EIF3B: variants seen among roughly 807,000 people sequenced by gnomAD.
The protein encoded by EIF3B is eukaryotic translation initiation factor 3 subunit 9.
Under a neutral mutation model 104.6 loss-of-function variants are expected in EIF3B, and 10 were observed. That is an observed-to-expected ratio of 0.10 (90% CI 0.06 to 0.16). EIF3B has a LOEUF of 0.16. Among genes scored for constraint, EIF3B ranks in the 10% least tolerant of loss-of-function variants. The pLI is 1.00. For missense variants in EIF3B, 1,014 were observed against 1,087.9 expected (o/e 0.93, Z 0.96); for synonymous variants, 542 against 417.2 (o/e 1.30, Z -3.65).
intron 8 of EIF3B, 129 bp downstream of exon 8, chr7:2,366,720 T>C (rs1780047162): frequency 6.3e-6 from 7 of 1,102,906 alleles, no homozygotes; most frequent in Non-Finnish European, 5.3e-6. Flanking sequence ...GCCTGTCTCC[T>C]GTGCCTTTTT....
chr7:2,372,191 G>A (rs1008931502), intron 11 of EIF3B: 2 of 282,244 alleles, frequency 7.1e-6, no homozygotes, highest in Non-Finnish European at 6.7e-6. Context: ...GGGTGACGGA[G>A]CAAGACCCTG....
chr7:2,365,667 GTTTGTTTGTTT>G (rs1562481817), intron 6 of EIF3B, among the ~76,000 whole-genome samples: 1 of 107,840 alleles, frequency 9.3e-6, no homozygotes, highest in East Asian at 4.2e-4. Flanking sequence ...TTGTTTGTTT[GTTTGTTTGTTT>G]TGTTTTTTTT....
chr7:2,377,966 CTGGGTG>C (rs1780750512), intron 15 of EIF3B: 1 of 42,132 alleles, frequency 2.4e-5, no homozygotes, highest in Non-Finnish European at 3.7e-5. Context: ...GTGAATGACC[CTGGGTG>C]TCATGGAGGA....
intron 9 of EIF3B, chr7:2,367,251 C>G (rs1780073577): frequency 1.7e-5 from 9 of 530,610 alleles, no homozygotes; most frequent in Middle Eastern, 5.0e-4. Context: ...TGGACAGCCC[C>G]TCGGTCCAGC....
In EIF3B at chr7:2,355,338, A is replaced by T. The variant is rs749876972; in HGVS notation, c.417A>T (p.Glu139Asp). 1.3e-6 allele frequency: 2 copies of T among 1,540,982 alleles called. No homozygotes were observed. Among genetic ancestry groups the T allele is most frequent in the East Asian group, 2.4e-5 (1 of 41,350 alleles). ...ACGAGGGCAGAGCGGCCGAGGCCGA[A>T]CCCCGGGCGCTGGAGAACGGCGACG... ...GGNEGRAAEA[E>D]PRALENGDAD... The change falls in exon 1 of 19, where the codon GAA becomes GAT. Residue 139 changes from glutamate (E) to aspartate (D), a missense_variant. Transcript: ENST00000360876.
rs567816245 is a variant in EIF3B at position 2,356,615 on chromosome 7, A to G, written c.499+1195A>G. On this transcript the variant is annotated intron_variant, in intron 1 of 18. Coordinates refer to ENST00000360876, the MANE Select transcript of EIF3B (RefSeq NM_001037283.2). ...AAGACTCCGTCTCAAAAAAAAAAAAAAAAGAAAAAGAAAAAAAGGTTATCA... is the reference window on the plus strand; with the variant it reads ...AAGACTCCGTCTCAAAAAAAAAAAAGAAAGAAAAAGAAAAAAAGGTTATCA... 3.6e-3 allele frequency among the ~76,000 whole-genome samples: 530 copies of G among 146,876 alleles called. 3 individuals are homozygous for G. Among genetic ancestry groups the G allele is most frequent in the African/African-American group, 0.013 (497 of 37,378 alleles).
At chr7:2,378,378 T>C in intron 15 of EIF3B, 1 of 309,078 alleles carries the variant, frequency 3.2e-6, no homozygotes, top group Non-Finnish European at 5.7e-6. Context: ...AGGCGAGCGC[T>C]CCTGGGATGC....
At chr7:2,367,208 A>T in intron 9 of EIF3B, 163 bp downstream of exon 9, 1 of 647,448 alleles carries the variant, frequency 1.5e-6, no homozygotes, top group Non-Finnish European at 2.6e-6. Flanking sequence ...GGGTGCCTGC[A>T]GACTGTCTGG....
Position 2,354,831 on chromosome 7 carries a change from C to T in EIF3B, c.-91C>T, listed in dbSNP as rs1287194982. ...CGGCCTCCCCGTCGCACGCACATGG[C>T]TGGGCTGTAGCCGTCGCGGCGCGCG... is the stretch of plus-strand genomic sequence containing the variant. On this transcript the variant is annotated 5_prime_UTR_variant, in exon 1 of 19. Coordinates refer to ENST00000360876, the MANE Select transcript of EIF3B (RefSeq NM_001037283.2). 2 of 1,032,894 alleles carry T rather than the reference C, an allele frequency of 1.9e-6. No homozygotes were observed. The highest frequency in any genetic ancestry group is 5.7e-5 in the Admixed American group (1 of 17,622). The allele number at this position is 1,032,894 out of a possible 1,614,324, so 64.0% of individuals were successfully genotyped here. A position where few individuals can be genotyped will look rare whatever the true frequency, so the allele number is the denominator to read the frequency against.
chr7:2,369,375 GCTT>G (rs772377420), intron 9 of EIF3B, 94 bp from the exon 10 acceptor site: 228 of 1,298,280 alleles, frequency 1.8e-4, no homozygotes, highest in Non-Finnish European at 2.3e-4. Context: ...ACAGCATTGA[GCTT>G]CTATATAGCA....
rs566810822 is a variant in EIF3B at position 2,364,754 on chromosome 7, A to T, written c.1157+225A>T. On this transcript the variant is annotated intron_variant, in intron 6 of 18. Coordinates refer to ENST00000360876, the MANE Select transcript of EIF3B (RefSeq NM_001037283.2). ...AGCCATTTGGGAGTGAGTTGAAATA[A>T]CATGTCCCTTTAGCCCTGAATGTGT... Among the ~76,000 whole-genome samples the T allele has an allele frequency of 2.0e-5, 3 of 152,250 alleles. No homozygotes were observed. The South Asian group carries it at 6.2e-4, about 31-fold the overall frequency.
rs1372615513 is a variant in EIF3B at position 2,355,237 on chromosome 7, G to A, written c.316G>A (p.Glu106Lys). The change falls in exon 1 of 19, where the codon GAG (glutamate) becomes AAG (lysine). Residue 106 changes from glutamate (E) to lysine (K), a missense_variant. By Grantham distance (56) the Glu-to-Lys change is moderately conservative. This residue lies in a region of EIF3B where 488 missense variants were observed against 404.3 expected (regional missense o/e 1.21). Transcript: ENST00000360876. Reference sequence around the variant, plus strand: ...TGAGCCCCCTGTCCCGGCACAGGGCGAGGCCCCAGGAGAGCAGGCTCGGGA... The same window carrying A: ...TGAGCCCCCTGTCCCGGCACAGGGCAAGGCCCCAGGAGAGCAGGCTCGGGA... ...HAEPPVPAQG[E>K]APGEQARDER... 6 of 1,512,044 alleles carry A rather than the reference G, an allele frequency of 4.0e-6. No homozygotes were observed. The highest frequency in any genetic ancestry group is 5.3e-6 in the Non-Finnish European group (6 of 1,137,770). The allele number at this position is 1,512,044 out of a possible 1,614,324, so 93.7% of individuals were successfully genotyped here.
rs1301525223 is a variant in EIF3B, at chr7:2,354,853, C to A, written c.-69C>A. On this transcript the variant is annotated 5_prime_UTR_variant, in exon 1 of 19. Coordinates refer to ENST00000360876, the MANE Select transcript of EIF3B (RefSeq NM_001037283.2). ...TGGCTGGGCTGTAGCCGTCGCGGCG[C>A]GCGGTGCGGCCTGGGAGAGTCGGAA... The A allele has an allele frequency of 2.8e-6, 3 of 1,069,436 alleles. No individual in the cohort carries two copies. Among genetic ancestry groups the A allele is most frequent in the Non-Finnish European group, 3.4e-6 (3 of 883,880 alleles). 66.2% of individuals were successfully genotyped at this position (1,069,436 alleles called of 1,614,324 possible).
At chr7:2,364,318 G>T in intron 5 of EIF3B, 54 bp from the exon 6 acceptor site, 1 of 1,471,404 alleles carries the variant, frequency 6.8e-7, no homozygotes, top group Non-Finnish European at 9.2e-7. Context: ...TGTAGGAGGG[G>T]TCTTTGTGTT....
chr7:2,359,220 C>T (rs890289580), intron 1 of EIF3B, among the ~76,000 whole-genome samples: 2 of 152,160 alleles, frequency 1.3e-5, no homozygotes, highest in Non-Finnish European at 2.9e-5. Flanking sequence ...CGTCTAAACC[C>T]TTGTAATTTC....
intron 6 of EIF3B, among the ~76,000 whole-genome samples, chr7:2,365,601 G>A (rs1487088412): frequency 6.6e-6 from 1 of 151,968 alleles, no homozygotes; most frequent in Non-Finnish European, 1.5e-5. Flanking sequence ...CCCAGGCTCT[G>A]AAGTTTCTAT....
chr7:2,373,662 CAT>C (rs1029610580), intron 12 of EIF3B: 15 of 152,342 alleles, frequency 9.8e-5, no homozygotes, highest in African/African-American at 2.9e-4. Flanking sequence ...TTGATAGAAA[CAT>C]ATGGGCAATT....
intron 5 of EIF3B, 116 bp from the exon 6 acceptor site, chr7:2,364,250 ACTCCGT>A: frequency 2.2e-6 from 2 of 896,532 alleles, no homozygotes; most frequent in Non-Finnish European, 3.4e-6. Flanking sequence ...AGACAGCGAG[ACTCCGT>A]CTCAAAAAAA....
chr7:2,367,258 C>T, intron 9 of EIF3B: 3 of 521,302 alleles, frequency 5.8e-6, no homozygotes, highest in South Asian at 5.7e-5. Context: ...CCCCTCGGTC[C>T]AGCCTTCCCT....
Sources: gnomAD v4.1 joint callset for allele counts (sites outside exome capture counted in the v4.1 genomes callset) on GRCh38, gnomAD v4.1.1 for gene constraint, gnomAD v4.1.1 regional missense constraint, MANE v1.5 for transcripts, NCBI Gene and HGNC (gene_info 2026-07-23, HGNC 2026-07-21) for gene names.